SMARCA1: variants seen among roughly 807,000 people sequenced by gnomAD.
SMARCA1 encodes SNF2 related chromatin remodeling ATPase 1, also known as SWI/SNF-related matrix-associated actin-dependent regulator of chromatin subfamily A member 1.
SMARCA1 carries 17 observed loss-of-function variants against 93.6 expected under a neutral mutation model. The ratio of observed to expected loss-of-function variants is 0.18; its 90% CI spans 0.12 to 0.27. The LOEUF (loss-of-function observed/expected upper bound fraction) is 0.27, where lower values mean the gene tolerates loss of function less well. Among genes scored for constraint, SMARCA1 ranks in the 10% least tolerant of loss-of-function variants. The probability of loss-of-function intolerance (pLI) is 1.00; values close to 1 mark genes in which losing one functional copy is unlikely to be tolerated. For missense variants in SMARCA1, 630 were observed against 819.0 expected, an observed-to-expected ratio of 0.77 and a Z score of 2.82; for synonymous variants, 271 against 271.4, an observed-to-expected ratio of 1.00 and a Z score of 0.01.
intron 23 of SMARCA1, among the ~76,000 whole-genome samples, chrX:129,456,419 T>G (rs1467152472): frequency 8.9e-6 from 1 of 112,070 alleles, no homozygotes. Context: ...TTACAGCCCA[T>G]GGATCAAAGA....
chrX:129,476,256 A>G (rs757509541), intron 19 of SMARCA1, among the ~76,000 whole-genome samples: 1 of 112,438 alleles, frequency 8.9e-6, no homozygotes, highest in East Asian at 2.8e-4. Context: ...AAGAATGGGC[A>G]CATTATGTAC....
chrX:129,500,461 C>T lies in SMARCA1; in HGVS notation c.1168-620G>A, dbSNP rs1023002840. ...GATTACAGGCGTGAGCCACTGTGCC[C>T]AGCCCACAACAAGATTTTTAAACCT... On this transcript the variant is annotated intron_variant, in intron 9 of 24. Transcript: ENST00000371121. Among the ~76,000 whole-genome samples, 5 of 112,657 alleles carry T rather than the reference C, an allele frequency of 4.4e-5. No homozygotes were observed. In the Admixed American group the frequency reaches 4.7e-4, roughly 11 times the overall value.
rs1934149696 is a variant in SMARCA1 at position 129,492,090 on chromosome X, C to G, written c.1666G>C (p.Ala556Pro). Residue 556 changes from alanine (A) to proline (P), a missense_variant, in exon 14 of 25, where the codon GCA becomes CCA. Transcript: ENST00000371121. ...TTAGGAGCATTAAAAGCCTCTATTGCTTCCTTTATTTTTTATTGATAAAGG... is the reference window on the plus strand; with the variant it reads ...TTAGGAGCATTAAAAGCCTCTATTGGTTCCTTTATTTTTTATTGATAAAGG... ...LEVEFLGQRE[A>P]IEAFNAPNSS... The G allele has an allele frequency of 1.8e-6, 2 of 1,121,212 alleles. No homozygotes were observed. Among genetic ancestry groups the G allele is most frequent in the Non-Finnish European group, 2.4e-6 (2 of 821,208 alleles). The allele number at this position is 1,121,212 out of a possible 1,213,427, so 92.4% of individuals were successfully genotyped here. A position where few individuals can be genotyped will look rare whatever the true frequency, so the allele number is the denominator to read the frequency against.
intron 14 of SMARCA1, among the ~76,000 whole-genome samples, chrX:129,490,706 C>T (rs1329131417): frequency 1.8e-5 from 2 of 110,699 alleles, no homozygotes; most frequent in Admixed American, 9.7e-5. Flanking sequence ...TGACAGGTGG[C>T]GAACTTCTAG....
At chrX:129,478,813 A>C (rs1384705764) in intron 19 of SMARCA1, among the ~76,000 whole-genome samples, 1 of 112,029 alleles carries the variant, frequency 8.9e-6, no homozygotes, top group Non-Finnish European at 1.9e-5. Context: ...CCCAACTCCC[A>C]AATGTCATGC....
At chrX:129,448,576 C>A in intron 23 of SMARCA1, 133 bp from the exon 24 acceptor site, 1 of 557,738 alleles carries the variant, frequency 1.8e-6, no homozygotes. Context: ...AATATTCACA[C>A]AGGGTATTAA....
chrX:129,496,657 G>A, intron 12 of SMARCA1, 93 bp downstream of exon 12: 2 of 833,578 alleles, frequency 2.4e-6, no homozygotes, highest in Non-Finnish European at 3.4e-6. Flanking sequence ...CCCACCTAAA[G>A]AAAAGGCAAA....
intron 17 of SMARCA1, among the ~76,000 whole-genome samples, chrX:129,485,033 C>T (rs1933835626): frequency 8.9e-6 from 1 of 112,634 alleles, no homozygotes; most frequent in Admixed American, 9.3e-5. Flanking sequence ...GAGGTTGGAA[C>T]TCCTACACAA....
At chrX:129,456,426 A>C (rs77263416) in intron 23 of SMARCA1, among the ~76,000 whole-genome samples, 1 of 112,173 alleles carries the variant, frequency 8.9e-6, no homozygotes, top group Non-Finnish European at 1.9e-5. Flanking sequence ...CCATGGATCA[A>C]AGAGTAATTC....
chrX:129,447,702 C>T (rs951008595), intron 24 of SMARCA1, among the ~76,000 whole-genome samples: 2 of 111,658 alleles, frequency 1.8e-5, no homozygotes, highest in Non-Finnish European at 1.9e-5. Context: ...GCAGCATTTT[C>T]CCTCAGTGGT....
At position 129,511,872 on chromosome X, in the gene SMARCA1, T is replaced by C; in HGVS notation, c.742A>G (p.Met248Val). Residue 248 changes from methionine (M) to valine (V), a missense_variant, in exon 6 of 25, where the codon ATG becomes GTG. Met to Val is a conservative substitution (Grantham distance 21). Coordinates refer to ENST00000371121, the MANE Select transcript of SMARCA1 (RefSeq NM_001282874.2). ...GGGACCCATCGTTTAAATTCATTCA[T>C]CCAGTTGTGTAAAGTAGACTTTGGA... ...LVPKSTLHNW[M>V]NEFKRWVPSL... 9.1e-6 allele frequency: 11 copies of C among 1,206,182 alleles called. No homozygotes were observed. The highest frequency in any genetic ancestry group is 1.1e-5 in the Non-Finnish European group (10 of 890,989).
intron 23 of SMARCA1, among the ~76,000 whole-genome samples, chrX:129,464,633 A>T (rs915892852): frequency 8.9e-6 from 1 of 112,420 alleles, no homozygotes; most frequent in Non-Finnish European, 1.9e-5. Flanking sequence ...AACTCAACTT[A>T]GGCAACAACT....
Position 129,487,023 on chromosome X carries a change from G to T in SMARCA1, c.2212C>A (p.Gln738Lys). ...GGTTGAGAGTAAAAAGTTACCTTCTGTTTTTCTCTATAATCTTCTCCCTCA... is the reference window on the plus strand; with the variant it reads ...GGTTGAGAGTAAAAAGTTACCTTCTTTTTTTCTCTATAATCTTCTCCCTCA... Reference protein sequence around the residue: ...KFEGEDYREKQKLGMVEWIEP... With the variant: ...KFEGEDYREKKKLGMVEWIEP... The change falls in exon 17 of 25, where the codon CAG (glutamine) becomes AAG (lysine). Residue 738 changes from glutamine (Q) to lysine (K), a missense_variant. Physicochemically the swap from Gln to Lys is moderately conservative, Grantham distance 53 (BLOSUM62 1). This residue lies in a region of SMARCA1 where 382 missense variants were observed against 537.9 expected (regional missense o/e 0.71). Coordinates refer to ENST00000371121, the MANE Select transcript of SMARCA1 (RefSeq NM_001282874.2). The T allele has an allele frequency of 8.6e-7, 1 of 1,169,300 alleles. No individual in the cohort carries two copies. The highest frequency in any genetic ancestry group is 1.2e-6 in the Non-Finnish European group (1 of 868,781).
At position 129,465,923 on chromosome X, in the gene SMARCA1, T is replaced by C; in HGVS notation, c.2738A>G (p.Glu913Gly). 1 of 1,175,343 alleles carries C rather than the reference T, an allele frequency of 8.5e-7. No individual in the cohort carries two copies. Among genetic ancestry groups the C allele is most frequent in the East Asian group, 3.0e-5 (1 of 33,238 alleles). ...WERCNELQDI[E>G]KIMAQIERGE... ...ACGTTCAATTTGAGCCATAATTTTC[T>C]CAATGTCCTGTAATTCATTGCAACG... The change falls in exon 22 of 25, where the codon GAG (glutamate) becomes GGG (glycine). Residue 913 changes from glutamate to glycine, a missense_variant. This residue lies in a region of SMARCA1 where 93 missense variants were observed against 160.8 expected (regional missense o/e 0.58). Transcript: ENST00000371121.
intron 6 of SMARCA1, 49 bp from the exon 7 acceptor site, chrX:129,508,145 A>G: frequency 2.9e-6 from 2 of 686,562 alleles, no homozygotes; most frequent in Non-Finnish European, 4.1e-6. Context: ...ATATTAGAAT[A>G]TGTTATAAGA....
At position 129,489,197 on chromosome X, in the gene SMARCA1, A is replaced by G. The variant is rs146385097; in HGVS notation, c.1949-112T>C. 2.6e-4 allele frequency: 116 copies of G among 441,722 alleles called. No homozygotes were observed. The East Asian group carries it at 3.9e-3, about 15-fold the overall frequency. The allele number at this position is 441,722 out of a possible 1,213,427, so 36.4% of individuals were successfully genotyped here. A position where few individuals can be genotyped will look rare whatever the true frequency, so the allele number is the denominator to read the frequency against. ...AACCACACATAAAGCTTTAAAGAACAAAAAATTAGTGAGCATTAAGGTTAT... is the reference window on the plus strand; with the variant it reads ...AACCACACATAAAGCTTTAAAGAACGAAAAATTAGTGAGCATTAAGGTTAT... On this transcript the variant is annotated intron_variant, in intron 15 of 24. Transcript: ENST00000371121.
At chrX:129,462,712 T>A (rs1435746725) in intron 23 of SMARCA1, among the ~76,000 whole-genome samples, 3 of 111,406 alleles carry the variant, frequency 2.7e-5, no homozygotes, top group Non-Finnish European at 5.7e-5. Context: ...AAATTCCACT[T>A]TCTAGAAGGT....
In SMARCA1 at chrX:129,487,119, G is replaced by A. The variant is rs140388140; in HGVS notation, c.2116C>T (p.Arg706Cys). The A allele has an allele frequency of 4.2e-4, 488 of 1,170,957 alleles. No individual in the cohort carries two copies. The highest frequency in any genetic ancestry group is 1.1e-3 in the South Asian group (60 of 52,847). The part of the protein sequence containing the change: ...GEKKTAEMNE[R>C]LQKMGESSLR... ...GAAGACTCTCCCATTTTTTGCAGGC[G>A]TTCATTCATCTCTGCAGTCTAAAGG... Residue 706 changes from arginine (R) to cysteine (C), a missense_variant, in exon 17 of 25, where the codon CGC (arginine) becomes TGC (cysteine). Arg to Cys is a radical substitution (Grantham distance 180). Coordinates refer to ENST00000371121, the MANE Select transcript of SMARCA1 (RefSeq NM_001282874.2).
chrX:129,493,351 A>G (rs1457355836), intron 12 of SMARCA1, among the ~76,000 whole-genome samples: 1 of 111,897 alleles, frequency 8.9e-6, no homozygotes, highest in Non-Finnish European at 1.9e-5. Context: ...TTACTTATAC[A>G]TATTACATAT....
Sources: allele counts gnomAD v4.1 joint callset (sites outside exome capture counted in the v4.1 genomes callset), GRCh38; gene constraint gnomAD v4.1.1; regional missense constraint gnomAD v4.1.1; transcripts MANE v1.5; gene names NCBI Gene and HGNC (gene_info 2026-07-23, HGNC 2026-07-21).